Variants in HIVEP2 observed in about 807,000 individuals in gnomAD.
HIVEP2 encodes transcription factor HIVEP2.
HIVEP2 carries 14 observed loss-of-function variants against 180.7 expected under a neutral mutation model. That is an observed-to-expected ratio of 0.08 (90% CI 0.05 to 0.12). HIVEP2 has a LOEUF of 0.12. Ranked by LOEUF, HIVEP2 falls within the 10% of genes least tolerant of loss-of-function variation. The pLI, the probability that HIVEP2 is intolerant of heterozygous loss-of-function variation, is 1.00. For synonymous variants in HIVEP2, 1,184 were observed against 1,136.4 expected, an observed-to-expected ratio of 1.04 and a Z score of -0.84; for missense variants, 2,579 against 3,008.5, an observed-to-expected ratio of 0.86 and a Z score of 3.34.
At chr6:142,915,156 T>C (rs547177150) in intron 1 of HIVEP2, among the ~76,000 whole-genome samples, 1 of 152,284 alleles carries the variant, frequency 6.6e-6, no homozygotes, top group Admixed American at 6.5e-5. Flanking sequence ...AAGAGGGAAA[T>C]CTGCTTGAAT....
At chr6:142,811,138 A>G (rs1414799123) in intron 2 of HIVEP2, among the ~76,000 whole-genome samples, 1 of 152,146 alleles carries the variant, frequency 6.6e-6, no homozygotes, top group Non-Finnish European at 1.5e-5. Flanking sequence ...AGAACAGTAC[A>G]TCAGGAAATT....
chr6:142,873,667 A>G (rs1207314368), intron 1 of HIVEP2, among the ~76,000 whole-genome samples: 2 of 152,186 alleles, frequency 1.3e-5, no homozygotes, highest in African/African-American at 2.4e-5. Flanking sequence ...TGGCATGATC[A>G]TATAGCGCTA....
chr6:142,774,813 T>C lies in HIVEP2; in HGVS notation c.-75A>G, dbSNP rs1775654704. The C allele has an allele frequency of 6.5e-7, 1 of 1,534,194 alleles. No individual in the cohort carries two copies. The highest frequency in any genetic ancestry group is 8.7e-7 in the Non-Finnish European group (1 of 1,144,236). ...TCATGGAGTGTCTCCAAAGCTGTGC[T>C]TCTTAAAGCTTGGTTGCTTCCATGT... On this transcript the variant is annotated 5_prime_UTR_variant, in exon 5 of 10. Coordinates refer to ENST00000367603, the MANE Select transcript of HIVEP2 (RefSeq NM_006734.4). The surrounding 1 kb of genome is among the most constrained non-coding windows in gnomAD (Gnocchi z 5.1).
intron 1 of HIVEP2, among the ~76,000 whole-genome samples, chr6:142,937,634 T>C (rs955078324): frequency 6.6e-6 from 1 of 152,204 alleles, no homozygotes; most frequent in African/African-American, 2.4e-5. Context: ...ATAAATATGG[T>C]TGGCCTTTTT....
chr6:142,892,939 G>T (rs143300308), intron 1 of HIVEP2, among the ~76,000 whole-genome samples: 1 of 152,120 alleles, frequency 6.6e-6, no homozygotes, highest in African/African-American at 2.4e-5. Context: ...AGTGGAGCTC[G>T]GCGAGGCTTC....
At chr6:142,844,980 G>T (rs1775470982) in intron 1 of HIVEP2, among the ~76,000 whole-genome samples, 1 of 152,234 alleles carries the variant, frequency 6.6e-6, no homozygotes, top group Non-Finnish European at 1.5e-5. Flanking sequence ...TCCTGGTCCT[G>T]TTCAGGTGAC....
intron 1 of HIVEP2, among the ~76,000 whole-genome samples, chr6:142,902,151 A>C (rs990112377): frequency 2.0e-5 from 3 of 152,220 alleles, no homozygotes; most frequent in African/African-American, 7.2e-5. Flanking sequence ...TGACTTCCAA[A>C]GAATAGAATA....
rs1029722348 is a variant in HIVEP2 at position 142,943,512 on chromosome 6, A to G, written c.-641+1587T>C. On this transcript the variant is annotated intron_variant, in intron 1 of 9. Coordinates refer to ENST00000367603, the MANE Select transcript of HIVEP2 (RefSeq NM_006734.4). The surrounding 1 kb of genome is among the most constrained non-coding windows in gnomAD (Gnocchi z 4.5). The stretch of plus-strand genomic sequence containing the variant: ...ATGTCTGGGCTTGATTATGCACTAC[A>G]AAAGAAACAACTGTATTGAGGAGAA... 5.5e-4 allele frequency among the ~76,000 whole-genome samples: 84 copies of G among 152,212 alleles called. 3 individuals are homozygous for G.
chr6:142,815,267 C>T lies in HIVEP2; in HGVS notation c.-528+21668G>A, dbSNP rs141889407. 3.8e-4 allele frequency among the ~76,000 whole-genome samples: 58 copies of T among 152,184 alleles called. No individual in the cohort carries two copies. In the East Asian group the frequency reaches 9.5e-3, roughly 25 times the overall value. ...ACAGCAAAGCCCTCTGACAGAACACCGCACTGCAACATTTAATAAGGCTGA... is the reference window on the plus strand; with the variant it reads ...ACAGCAAAGCCCTCTGACAGAACACTGCACTGCAACATTTAATAAGGCTGA... On this transcript the variant is annotated intron_variant, in intron 2 of 9. Transcript: ENST00000367603.
intron 1 of HIVEP2, among the ~76,000 whole-genome samples, chr6:142,860,785 C>G (rs1031435318): frequency 6.6e-6 from 1 of 152,160 alleles, no homozygotes; most frequent in Admixed American, 6.5e-5. Context: ...GCCAACAGAC[C>G]ACTAGTGATC....
intron 7 of HIVEP2, among the ~76,000 whole-genome samples, chr6:142,762,046 T>G (rs963374245): frequency 1.3e-5 from 2 of 152,126 alleles, no homozygotes; most frequent in African/African-American, 4.8e-5. Flanking sequence ...CCTCCAAGGA[T>G]CTTCACCATT....
intron 1 of HIVEP2, among the ~76,000 whole-genome samples, chr6:142,898,492 T>G (rs1471758789): frequency 6.6e-6 from 1 of 151,754 alleles, no homozygotes; most frequent in African/African-American, 2.4e-5. Flanking sequence ...CAAAACCCCA[T>G]CTCTACTAAA....
At chr6:142,780,271 A>G (rs888680784) in intron 3 of HIVEP2, among the ~76,000 whole-genome samples, 1 of 152,170 alleles carries the variant, frequency 6.6e-6, no homozygotes. Flanking sequence ...GTGCGGGAAG[A>G]GCTTCCATCT....
intron 1 of HIVEP2, among the ~76,000 whole-genome samples, chr6:142,889,782 C>A (rs772700462): frequency 1.3e-5 from 2 of 152,182 alleles, no homozygotes; most frequent in Non-Finnish European, 2.9e-5. Flanking sequence ...TATCAGACAT[C>A]AAAATGACCT....
intron 1 of HIVEP2, among the ~76,000 whole-genome samples, chr6:142,913,166 T>G (rs538671388): frequency 3.3e-5 from 5 of 152,288 alleles, no homozygotes; most frequent in African/African-American, 9.6e-5. Context: ...TAGGATGAGC[T>G]TGTCAAAAAG....
intron 1 of HIVEP2, among the ~76,000 whole-genome samples, chr6:142,884,478 A>G (rs1341719656): frequency 1.3e-5 from 2 of 152,302 alleles, no homozygotes; most frequent in Non-Finnish European, 1.5e-5. Flanking sequence ...AAAAAGAACA[A>G]AATAATCGCT....
chr6:142,792,700 C>T (rs1776168572), intron 2 of HIVEP2, among the ~76,000 whole-genome samples: 1 of 151,884 alleles, frequency 6.6e-6, no homozygotes, highest in Admixed American at 6.6e-5. Context: ...ACATTCTGCA[C>T]ATGTATCCCA....
At chr6:142,755,616 CAGAG>C in intron 9 of HIVEP2, among the ~76,000 whole-genome samples, 1 of 150,978 alleles carries the variant, frequency 6.6e-6, no homozygotes, top group African/African-American at 2.4e-5. Context: ...GAACAGAAGT[CAGAG>C]AGAGAGAGAG....
chr6:142,868,775 G>A (rs1236490519), intron 1 of HIVEP2, among the ~76,000 whole-genome samples: 1 of 152,140 alleles, frequency 6.6e-6, no homozygotes, highest in Non-Finnish European at 1.5e-5. Flanking sequence ...TCAAATGTGT[G>A]AAATTCTGGT....
Sources: gnomAD v4.1 joint callset for allele counts (sites outside exome capture counted in the v4.1 genomes callset) on GRCh38, gnomAD v4.1.1 for gene constraint, Gnocchi (gnomAD v3.1) non-coding constraint, MANE v1.5 for transcripts, NCBI Gene and HGNC (gene_info 2026-07-23, HGNC 2026-07-21) for gene names.